The following PCDHGA8 variants were observed in gnomAD, a reference collection of about 807,000 sequenced individuals.
The protein encoded by PCDHGA8 is protocadherin gamma subfamily A, 8.
PCDHGA8 carries 45 observed loss-of-function variants against 59.2 expected under a neutral mutation model. That is an observed-to-expected ratio of 0.76 (90% CI 0.60 to 0.98). The LOEUF is 0.98. Among genes scored for constraint, PCDHGA8 ranks in the 50% least tolerant of loss-of-function variants. PCDHGA8 has a pLI of 0.00. For synonymous variants in PCDHGA8, 531 were observed against 519.0 expected (o/e 1.02, Z -0.32); for missense variants, 1,257 against 1,196.2 (o/e 1.05, Z -0.75).
chr5:141,393,878 A>C lies in PCDHGA8; in HGVS notation c.1065A>C (p.Pro355=). 3 of 1,614,022 alleles carry C rather than the reference A, an allele frequency of 1.9e-6. No individual in the cohort carries two copies. The highest frequency in any genetic ancestry group is 2.5e-6 in the Non-Finnish European group (3 of 1,179,880). The change falls in exon 1 of 4, where the codon CCA becomes CCC. Residue 355 remains proline, a synonymous_variant. Transcript: ENST00000398604. ...TGATCATTACGTCTTTGTTTAGCCC[A>C]GTGTTAGAAAATTCTCTTCCCGGGA... The part of the protein sequence containing the change: ...PEVIITSLFS[P]VLENSLPGTV...
At chr5:141,437,654 A>C (rs185455660) in intron 1 of PCDHGA8, among the ~76,000 whole-genome samples, 1 of 152,256 alleles carries the variant, frequency 6.6e-6, no homozygotes, top group African/African-American at 2.4e-5. Context: ...GCAAACACAT[A>C]GTTTCGAAGA....
intron 1 of PCDHGA8, chr5:141,422,052 C>T: frequency 6.2e-7 from 1 of 1,611,298 alleles, no homozygotes; most frequent in Non-Finnish European, 8.5e-7. Flanking sequence ...AGGGAATCAA[C>T]GGGGAAGTAA....
chr5:141,465,627 A>C lies in PCDHGA8; in HGVS notation c.2425-29180A>C, dbSNP rs370355596. 1.1e-4 allele frequency among the ~76,000 whole-genome samples: 17 copies of C among 152,326 alleles called. 1 individual carries two copies. The South Asian group carries it at 3.3e-3, about 30-fold the overall frequency. On this transcript the variant is annotated intron_variant, in intron 1 of 3. Coordinates refer to ENST00000398604, the MANE Select transcript of PCDHGA8 (RefSeq NM_032088.2). ...TCTTTGGCCCTCCAGGAAGTCAACCAGCAAAATGCTTTGAACATCCCAAAA... is the reference window on the plus strand; with the variant it reads ...TCTTTGGCCCTCCAGGAAGTCAACCCGCAAAATGCTTTGAACATCCCAAAA...
At chr5:141,423,387 G>T (rs373190092) in intron 1 of PCDHGA8, 1 of 1,614,162 alleles carries the variant, frequency 6.2e-7, no homozygotes, top group Non-Finnish European at 8.5e-7. Context: ...TGTGGCGCTG[G>T]CATAAGTCAC....
intron 2 of PCDHGA8, among the ~76,000 whole-genome samples, chr5:141,501,334 C>T (rs1462003251): frequency 6.9e-6 from 1 of 145,376 alleles, no homozygotes; most frequent in Non-Finnish European, 1.5e-5. Context: ...CACACACACA[C>T]CCCAAACTCA....
At chr5:141,428,185 G>A (rs775261215) in intron 1 of PCDHGA8, 1 of 1,446,348 alleles carries the variant, frequency 6.9e-7, no homozygotes, top group Admixed American at 1.8e-5. Context: ...GAGGACAGCC[G>A]CCGCTCTCTG....
Position 141,477,376 on chromosome 5 carries a change from G to A in PCDHGA8, c.2425-17431G>A. The A allele has an allele frequency of 6.2e-7, 1 of 1,614,146 alleles. No homozygotes were observed. Among genetic ancestry groups the A allele is most frequent in the Non-Finnish European group, 8.5e-7 (1 of 1,180,026 alleles). ...GTGCAGACCTGGATCGGGAGACTGT[G>A]CCAGAATACAACCTCAGCATCACCG... On this transcript the variant is annotated intron_variant, in intron 1 of 3. Transcript: ENST00000398604. This position sits in a 1 kb window ranked among gnomAD's most constrained non-coding sequence, Gnocchi z 4.9.
At chr5:141,502,914 T>G (rs78646636) in intron 2 of PCDHGA8, among the ~76,000 whole-genome samples, 4,865 of 139,540 alleles carry the variant, frequency 0.035, 119 homozygotes, top group South Asian at 0.075. Flanking sequence ...CAGGCTGGAG[T>G]GCAGTGGCAA....
At chr5:141,436,173 A>T (rs556225963) in intron 1 of PCDHGA8, among the ~76,000 whole-genome samples, 1 of 152,302 alleles carries the variant, frequency 6.6e-6, no homozygotes, top group East Asian at 1.9e-4. Context: ...GACAGTTCTC[A>T]TATATAGTCA....
At chr5:141,421,638 C>G (rs775131295) in intron 1 of PCDHGA8, 2 of 1,613,770 alleles carry the variant, frequency 1.2e-6, no homozygotes, top group South Asian at 1.1e-5. Context: ...TCCAGGAGGA[C>G]GAAGTGGAGA....
At chr5:141,478,127 C>A (rs1323163663) in intron 1 of PCDHGA8, 1 of 1,614,106 alleles carries the variant, frequency 6.2e-7, no homozygotes, top group South Asian at 1.1e-5. Flanking sequence ...CGAGGACTCT[C>A]CTGAAGCCCG....
intron 2 of PCDHGA8, among the ~76,000 whole-genome samples, chr5:141,495,645 C>T (rs2099762719): frequency 6.6e-6 from 1 of 152,208 alleles, no homozygotes; most frequent in South Asian, 2.1e-4. Context: ...CATTTGTCTA[C>T]TTGCATTGAT....
At chr5:141,410,625 G>A (rs202058499) in intron 1 of PCDHGA8, 1 of 1,602,442 alleles carries the variant, frequency 6.2e-7, no homozygotes, top group Non-Finnish European at 8.5e-7. Flanking sequence ...ACTTCGGTGA[G>A]TTTCTCTTTT....
chr5:141,475,653 G>T (rs982063429), intron 1 of PCDHGA8, among the ~76,000 whole-genome samples: 2 of 152,238 alleles, frequency 1.3e-5, no homozygotes, highest in African/African-American at 2.4e-5. Context: ...CAAAGAAAGT[G>T]ATTCAAATGT....
intron 1 of PCDHGA8, chr5:141,471,430 G>A (rs2099257545): frequency 6.6e-6 from 1 of 152,140 alleles, no homozygotes; most frequent in South Asian, 2.1e-4. Flanking sequence ...CAAGGAAAGT[G>A]TATAATCTCA....
intron 1 of PCDHGA8, chr5:141,400,076 T>A: frequency 6.2e-7 from 1 of 1,613,932 alleles, no homozygotes; most frequent in Non-Finnish European, 8.5e-7. Context: ...CAGCCGCCAC[T>A]CTCCGCCACC....
rs138031063 is a variant in PCDHGA8 at position 141,447,985 on chromosome 5, C to T, written c.2425-46822C>T. Among the ~76,000 whole-genome samples the T allele has an allele frequency of 3.9e-3, 591 of 152,010 alleles. 6 individuals are homozygous for T. The highest frequency in any genetic ancestry group is 0.011 in the Admixed American group (170 of 15,260). On this transcript the variant is annotated intron_variant, in intron 1 of 3. Transcript: ENST00000398604. ...CCTATAATCCCAGCTACTCGGGAGG[C>T]TGAGGCATGAGAATCGCTTGAACCC...
chr5:141,494,764 T>A (rs773955144), intron 1 of PCDHGA8, 43 bp from the exon 2 acceptor site: 1 of 1,613,932 alleles, frequency 6.2e-7, no homozygotes, highest in Non-Finnish European at 8.5e-7. Context: ...ACATTCTAAC[T>A]TCTCACGGGT....
chr5:141,420,271 A>G, intron 1 of PCDHGA8: 1 of 1,536,584 alleles, frequency 6.5e-7, no homozygotes, highest in Non-Finnish European at 8.8e-7. Flanking sequence ...AGATTCTTAA[A>G]CAGGTAAGTA....
Sources: gnomAD v4.1 joint callset for allele counts (sites outside exome capture counted in the v4.1 genomes callset) on GRCh38, gnomAD v4.1.1 for gene constraint, Gnocchi (gnomAD v3.1) non-coding constraint, MANE v1.5 for transcripts, NCBI Gene and HGNC (gene_info 2026-07-23, HGNC 2026-07-21) for gene names.